The following ABCA12 variants were observed in gnomAD, a reference collection of about 807,000 sequenced individuals.
The protein encoded by ABCA12 is glucosylceramide transporter ABCA12.
A neutral mutation model predicts 293.5 loss-of-function variants in ABCA12; 156 were observed. The ratio of observed to expected loss-of-function variants is 0.53; its 90% CI spans 0.47 to 0.61. The LOEUF is 0.61. Among genes scored for constraint, ABCA12 ranks in the 20% least tolerant of loss-of-function variants. ABCA12 has a pLI of 0.00. For synonymous variants in ABCA12, 1,063 were observed against 1,108.0 expected (o/e 0.96, Z 0.81); for missense variants, 2,797 against 3,090.2 (o/e 0.91, Z 2.25).
intron 50 of ABCA12, 102 bp downstream of exon 50, chr2:214,942,823 T>C: frequency 1.0e-6 from 1 of 959,334 alleles, no homozygotes; most frequent in South Asian, 1.4e-5. Flanking sequence ...TTGTCCATTC[T>C]AGTTTTACTA....
intron 2 of ABCA12, chr2:215,075,850 A>G: frequency 5.0e-6 from 2 of 396,864 alleles, no homozygotes; most frequent in Non-Finnish European, 8.9e-6. Flanking sequence ...AAAGCCAGTG[A>G]AATTTATTGC....
chr2:215,110,746 A>G (rs1429006203), intron 2 of ABCA12, among the ~76,000 whole-genome samples: 1 of 152,222 alleles, frequency 6.6e-6, no homozygotes, highest in Non-Finnish European at 1.5e-5. Context: ...CTCTCTTTAC[A>G]AAATAATTCA....
At chr2:215,111,332 T>A (rs971784327) in intron 2 of ABCA12, among the ~76,000 whole-genome samples, 1 of 152,228 alleles carries the variant, frequency 6.6e-6, no homozygotes, top group African/African-American at 2.4e-5. Flanking sequence ...ATGAAATGAA[T>A]AATAAATGAG....
chr2:215,034,128 C>T (rs1700941411), intron 8 of ABCA12, among the ~76,000 whole-genome samples: 1 of 151,996 alleles, frequency 6.6e-6, no homozygotes, highest in Admixed American at 6.6e-5. Flanking sequence ...AGAGCAAATT[C>T]CAGTGAGTCA....
chr2:215,009,246 C>T (rs567511750), intron 18 of ABCA12, among the ~76,000 whole-genome samples: 20 of 152,178 alleles, frequency 1.3e-4, no homozygotes, highest in African/African-American at 4.6e-4. Flanking sequence ...AAACCACACG[C>T]TCTCACTTAT....
chr2:214,968,767 G>C lies in ABCA12; in HGVS notation c.5731C>G (p.Leu1911Val), dbSNP rs1699323293. ...GGGACTCCTGTTATATCAAAACGAA[G>C]GTCTTTTGTCAAAGGCAGCCCAAAA... ...WSFGLPLTKDLRFDITGVPAN... is the reference protein window; with the variant it reads ...WSFGLPLTKDVRFDITGVPAN... Residue 1911 changes from leucine (L) to valine (V), a missense_variant, in exon 38 of 53, where the codon CTT becomes GTT. This residue lies in a region of ABCA12 where 2,130 missense variants were observed against 2,427.0 expected (regional missense o/e 0.88). Coordinates refer to ENST00000272895, the MANE Select transcript of ABCA12 (RefSeq NM_173076.3). 6.2e-7 allele frequency: 1 copy of C among 1,613,142 alleles called. No homozygotes were observed. The highest frequency in any genetic ancestry group is 8.5e-7 in the Non-Finnish European group (1 of 1,179,404).
chr2:215,025,022 A>C (rs1700707777), intron 11 of ABCA12, among the ~76,000 whole-genome samples: 1 of 152,180 alleles, frequency 6.6e-6, no homozygotes, highest in Non-Finnish European at 1.5e-5. Context: ...CAATAAAAGT[A>C]GGGTGAACCA....
chr2:214,947,800 CGT>C (rs1011079964), intron 47 of ABCA12: 87 of 499,044 alleles, frequency 1.7e-4, no homozygotes, highest in Middle Eastern at 5.7e-4. Flanking sequence ...CCCCACCAAA[CGT>C]GTGTGTGTGT....
chr2:215,019,830 T>G, intron 11 of ABCA12, 34 bp from the exon 12 acceptor site: 2 of 1,601,926 alleles, frequency 1.2e-6, no homozygotes, highest in Non-Finnish European at 1.7e-6. Flanking sequence ...GGAAATAGAT[T>G]AGTTACATTT....
At position 215,138,556 on chromosome 2, in the gene ABCA12, A is replaced by C; in HGVS notation, c.-348T>G. ...ATGAGCATCATTCAGATAATGCCTC[A>C]CTGAAAAAAAAAAAAAAGCAGCAGC... On this transcript the variant is annotated 5_prime_UTR_variant, in exon 1 of 53. Coordinates refer to ENST00000272895, the MANE Select transcript of ABCA12 (RefSeq NM_173076.3). The C allele has an allele frequency of 3.6e-6, 1 of 276,690 alleles. No homozygotes were observed. The highest frequency in any genetic ancestry group is 7.0e-6 in the Non-Finnish European group (1 of 143,360). The allele number at this position is 276,690 out of a possible 1,614,324, so 17.1% of individuals were successfully genotyped here. A position where few individuals can be genotyped will look rare whatever the true frequency, so the allele number is the denominator to read the frequency against.
intron 8 of ABCA12, chr2:215,032,158 C>G (rs1320224925): frequency 7.9e-7 from 1 of 1,272,974 alleles, no homozygotes; most frequent in Admixed American, 3.1e-5. Flanking sequence ...GTCTGTGCAT[C>G]AAGCCACTAC....
intron 48 of ABCA12, among the ~76,000 whole-genome samples, chr2:214,945,826 G>A (rs1698564832): frequency 6.6e-6 from 1 of 152,092 alleles, no homozygotes; most frequent in Non-Finnish European, 1.5e-5. Context: ...TGTTTTTACA[G>A]AATGATGTAA....
intron 1 of ABCA12, among the ~76,000 whole-genome samples, chr2:215,123,525 G>A (rs759218883): frequency 1.2e-4 from 18 of 152,110 alleles, no homozygotes; most frequent in Non-Finnish European, 2.2e-4. Context: ...TTGTTTCCAT[G>A]ACTTTGCTAT....
At chr2:215,012,610 G>C (rs1700402165) in intron 15 of ABCA12, among the ~76,000 whole-genome samples, 1 of 152,134 alleles carries the variant, frequency 6.6e-6, no homozygotes, top group Non-Finnish European at 1.5e-5. Context: ...ACAGAAAATA[G>C]ATTAGAAGTT....
At chr2:215,059,666 A>T (rs1701489998) in intron 3 of ABCA12, among the ~76,000 whole-genome samples, 1 of 151,988 alleles carries the variant, frequency 6.6e-6, no homozygotes, top group Non-Finnish European at 1.5e-5. Context: ...TGGGCAGATT[A>T]GGGGGTATCC....
chr2:215,085,948 A>G (rs973603118), intron 2 of ABCA12, among the ~76,000 whole-genome samples: 2 of 152,262 alleles, frequency 1.3e-5, no homozygotes, highest in African/African-American at 2.4e-5. Flanking sequence ...ATAAAAAGTA[A>G]CAGTGGTGGA....
intron 22 of ABCA12, among the ~76,000 whole-genome samples, chr2:214,998,892 G>T (rs997378628): frequency 7.2e-5 from 11 of 152,002 alleles, no homozygotes; most frequent in Non-Finnish European, 1.6e-4. Context: ...TTATGTGTTG[G>T]GCTCCACTCA....
intron 3 of ABCA12, among the ~76,000 whole-genome samples, chr2:215,063,628 C>CT (rs56125598): frequency 0.34 from 51,641 of 151,744 alleles, 9,937 homozygotes; most frequent in South Asian, 0.56. Context: ...GCTTAATTTC[C>CT]TTTTTTGCAC....
In ABCA12 at chr2:214,932,753, G is replaced by A; in HGVS notation, c.7681-12C>T. ...AAGTTGATGAAAACCTGATTTTTCA[G>A]GGAAAATAAAGCCATTAATGCCTGG... On this transcript the variant is annotated splice_polypyrimidine_tract_variant and intron_variant, in intron 52 of 52. Transcript: ENST00000272895. 1.2e-6 allele frequency: 2 copies of A among 1,602,990 alleles called. No homozygotes were observed. Among genetic ancestry groups the A allele is most frequent in the South Asian group, 2.2e-5 (2 of 90,868 alleles).
Sources: allele counts gnomAD v4.1 joint callset (sites outside exome capture counted in the v4.1 genomes callset), GRCh38; gene constraint gnomAD v4.1.1; regional missense constraint gnomAD v4.1.1; transcripts MANE v1.5; gene names NCBI Gene and HGNC (gene_info 2026-07-23, HGNC 2026-07-21).